LRFN2: variants seen among roughly 807,000 people sequenced by gnomAD.
LRFN2 encodes the protein leucine-rich repeat and fibronectin type-III domain-containing protein 2.
In LRFN2, 18 loss-of-function variants were observed where a neutral mutation model predicts 37.3. That is an observed-to-expected ratio of 0.48 (90% CI 0.33 to 0.72). The LOEUF (loss-of-function observed/expected upper bound fraction) is 0.72, where lower values mean the gene tolerates loss of function less well. Ranked by LOEUF, LRFN2 falls within the 30% of genes least tolerant of loss-of-function variation. LRFN2 has a pLI of 0.02. For synonymous variants in LRFN2, 556 were observed against 466.6 expected, an observed-to-expected ratio of 1.19 and a Z score of -2.47; for missense variants, 1,006 against 1,060.7, an observed-to-expected ratio of 0.95 and a Z score of 0.72.
chr6:40,434,724 T>A (rs1260246384), intron 1 of LRFN2, among the ~76,000 whole-genome samples: 1 of 151,718 alleles, frequency 6.6e-6, no homozygotes, highest in Admixed American at 6.6e-5. Context: ...GTGATCCACC[T>A]GCCCCGGCCT....
At chr6:40,403,347 C>T (rs771724873) in intron 2 of LRFN2, among the ~76,000 whole-genome samples, 20 of 152,076 alleles carry the variant, frequency 1.3e-4, no homozygotes, top group African/African-American at 3.6e-4. Context: ...TAGAGTGGGA[C>T]GATCATGGAG....
chr6:40,467,203 G>C (rs1463046939), intron 1 of LRFN2, among the ~76,000 whole-genome samples: 1 of 149,798 alleles, frequency 6.7e-6, no homozygotes, highest in Non-Finnish European at 1.5e-5. Context: ...TGATGATGAT[G>C]ATGATGTGTG....
At chr6:40,565,924 A>T (rs1767081429) in intron 1 of LRFN2, among the ~76,000 whole-genome samples, 1 of 152,138 alleles carries the variant, frequency 6.6e-6, no homozygotes, top group Admixed American at 6.5e-5. Flanking sequence ...ACAGCAAAAG[A>T]AACCACCATC....
At chr6:40,448,394 G>T (rs574012425) in intron 1 of LRFN2, among the ~76,000 whole-genome samples, 2 of 152,042 alleles carry the variant, frequency 1.3e-5, no homozygotes, top group Non-Finnish European at 2.9e-5. Context: ...AGATCAGGGC[G>T]AGCCTGAGGC....
At chr6:40,439,273 A>C (rs1488618185) in intron 1 of LRFN2, among the ~76,000 whole-genome samples, 1 of 152,216 alleles carries the variant, frequency 6.6e-6, no homozygotes, top group East Asian at 1.9e-4. Flanking sequence ...AGGTAAAAAG[A>C]AATGGCCCCT....
intron 1 of LRFN2, among the ~76,000 whole-genome samples, chr6:40,568,538 G>T (rs1010330410): frequency 7.2e-5 from 11 of 152,182 alleles, no homozygotes; most frequent in African/African-American, 2.7e-4. Context: ...TCCTACGTGT[G>T]CTCTGTTTCC....
intron 1 of LRFN2, among the ~76,000 whole-genome samples, chr6:40,571,831 G>A (rs1162338504): frequency 2.0e-5 from 3 of 152,232 alleles, no homozygotes; most frequent in East Asian, 1.9e-4. Context: ...CGGAGCTGGT[G>A]TGGCCATGCA....
At chr6:40,423,386 A>G (rs1408241828) in intron 2 of LRFN2, among the ~76,000 whole-genome samples, 2 of 152,212 alleles carry the variant, frequency 1.3e-5, no homozygotes, top group Non-Finnish European at 2.9e-5. Flanking sequence ...GGCTCCTAGT[A>G]ATCATAAGTA....
intron 1 of LRFN2, among the ~76,000 whole-genome samples, chr6:40,447,047 G>A (rs964947698): frequency 1.9e-4 from 28 of 151,026 alleles, no homozygotes; most frequent in African/African-American, 6.8e-4. Context: ...GGCTCCCTGA[G>A]GATGGGGCTG....
chr6:40,466,742 G>A (rs1007473892), intron 1 of LRFN2, among the ~76,000 whole-genome samples: 20 of 152,198 alleles, frequency 1.3e-4, no homozygotes, highest in South Asian at 6.2e-4. Context: ...TGAGGACAAC[G>A]TGTGCTTTAC....
intron 1 of LRFN2, among the ~76,000 whole-genome samples, chr6:40,496,726 G>C (rs892829994): frequency 6.6e-6 from 1 of 152,052 alleles, no homozygotes; most frequent in Admixed American, 6.5e-5. Flanking sequence ...GTGCTTAAAA[G>C]CATTTTCCTG....
At chr6:40,486,790 G>A (rs935533001) in intron 1 of LRFN2, among the ~76,000 whole-genome samples, 15 of 152,282 alleles carry the variant, frequency 9.9e-5, no homozygotes, top group Admixed American at 7.2e-4. Context: ...GCAGAGAAGT[G>A]ACAGATGAGA....
chr6:40,435,451 C>T lies in LRFN2; in HGVS notation c.-18-2320G>A, dbSNP rs897591597. On this transcript the variant is annotated intron_variant, in intron 1 of 2. Coordinates refer to ENST00000338305, the MANE Select transcript of LRFN2 (RefSeq NM_020737.3). ...TTGGATTTACAGGCATGAGCCACCT[C>T]GCCTGGCCAATATCTTGTGGAAGTA... Among the ~76,000 whole-genome samples the T allele has an allele frequency of 3.9e-5, 6 of 152,158 alleles. No individual in the cohort carries two copies. In the South Asian group the frequency reaches 6.2e-4, roughly 16 times the overall value.
intron 1 of LRFN2, among the ~76,000 whole-genome samples, chr6:40,465,214 T>C (rs760421972): frequency 6.6e-6 from 1 of 152,112 alleles, no homozygotes; most frequent in Non-Finnish European, 1.5e-5. Context: ...AGGAAACATA[T>C]TCTACCCTAG....
At position 40,432,991 on chromosome 6, in the gene LRFN2, C is replaced by T. The variant is rs759039309; in HGVS notation, c.123G>A (p.Lys41=). The T allele has an allele frequency of 8.1e-6, 13 of 1,611,228 alleles. No individual in the cohort carries two copies. The Admixed American group carries it at 1.7e-4, about 21-fold the overall frequency. ...SESLGTLCPS[K]GLLFVPPDID... is the part of the protein sequence containing the mutation. The stretch of plus-strand genomic sequence containing the variant: ...TATCAGGGGGTACAAAGAGCAGCCC[C>T]TTGGAGGGGCACAGGGTCCCCAGTG... Residue 41 remains lysine (K), a synonymous_variant, in exon 2 of 3, where the codon AAG becomes AAA. Coordinates refer to ENST00000338305, the MANE Select transcript of LRFN2 (RefSeq NM_020737.3).
At chr6:40,542,310 C>T (rs960695618) in intron 1 of LRFN2, among the ~76,000 whole-genome samples, 1 of 152,040 alleles carries the variant, frequency 6.6e-6, no homozygotes, top group Admixed American at 6.6e-5. Context: ...GGAAACCTGG[C>T]CCGGAGAGGT....
At chr6:40,470,189 G>T (rs1325620666) in intron 1 of LRFN2, among the ~76,000 whole-genome samples, 1 of 152,052 alleles carries the variant, frequency 6.6e-6, no homozygotes, top group Non-Finnish European at 1.5e-5. Context: ...AGGCATGTGG[G>T]CTGGGGAAAC....
At chr6:40,505,946 T>A (rs1343613828) in intron 1 of LRFN2, among the ~76,000 whole-genome samples, 1 of 152,140 alleles carries the variant, frequency 6.6e-6, no homozygotes, top group Non-Finnish European at 1.5e-5. Context: ...TGTGGCCAAG[T>A]GTGCACTGGA....
chr6:40,470,753 G>C (rs562393165), intron 1 of LRFN2, among the ~76,000 whole-genome samples: 2 of 152,354 alleles, frequency 1.3e-5, no homozygotes, highest in Admixed American at 6.5e-5. Flanking sequence ...CCTTGCCTCA[G>C]CTCCTGCATT....
Sources: gnomAD v4.1 joint callset for allele counts (sites outside exome capture counted in the v4.1 genomes callset) on GRCh38, gnomAD v4.1.1 for gene constraint, MANE v1.5 for transcripts, NCBI Gene and HGNC (gene_info 2026-07-23, HGNC 2026-07-21) for gene names.